Variants in ATRN observed in about 807,000 individuals in gnomAD.
ATRN encodes the protein attractin-2.
Under a neutral mutation model 178.7 loss-of-function variants are expected in ATRN, and 54 were observed. The observed-to-expected ratio is 0.30, with a 90% CI of 0.24 to 0.38. The LOEUF (loss-of-function observed/expected upper bound fraction) is 0.38. ATRN is among the 10% of genes least tolerant of loss of function. ATRN has a pLI of 1.00. For missense variants in ATRN, 1,443 were observed against 1,815.1 expected, an observed-to-expected ratio of 0.79 and a Z score of 3.73; for synonymous variants, 636 against 663.0, an observed-to-expected ratio of 0.96 and a Z score of 0.63.
chr20:3,608,819 T>C (rs2086716416), intron 24 of ATRN, among the ~76,000 whole-genome samples: 1 of 152,024 alleles, frequency 6.6e-6, no homozygotes, highest in African/African-American at 2.4e-5. Context: ...ATACAAAAAT[T>C]AGCCATGTGC....
chr20:3,641,053 G>A (rs957803951), intron 27 of ATRN, among the ~76,000 whole-genome samples: 1 of 152,152 alleles, frequency 6.6e-6, no homozygotes, highest in South Asian at 2.1e-4. Context: ...ATACACTTGT[G>A]GTAGTCAAGC....
intron 19 of ATRN, among the ~76,000 whole-genome samples, chr20:3,593,545 C>T (rs538763992): frequency 6.6e-6 from 1 of 152,266 alleles, no homozygotes; most frequent in Admixed American, 6.5e-5. Context: ...GAATTCAAAC[C>T]CAGGCAGATG....
At chr20:3,606,075 G>A (rs564749401) in intron 24 of ATRN, among the ~76,000 whole-genome samples, 1 of 152,172 alleles carries the variant, frequency 6.6e-6, no homozygotes, top group African/African-American at 2.4e-5. Flanking sequence ...TCTAAGATTT[G>A]TTAATCCTCT....
Position 3,471,037 on chromosome 20 carries a change from C to T in ATRN, c.-71C>T, listed in dbSNP as rs2084408703. On this transcript the variant is annotated 5_prime_UTR_variant, in exon 1 of 29. Transcript: ENST00000262919. ...GTCCGCACAGCCCCGCCCCGCACGG[C>T]CAGGCGAAGCGGAGCCGGCCGTGCG... 1 of 1,417,802 alleles carries T rather than the reference C, an allele frequency of 7.1e-7. No homozygotes were observed. The highest frequency in any genetic ancestry group is 9.2e-7 in the Non-Finnish European group (1 of 1,091,332). 87.8% of individuals were successfully genotyped at this position (1,417,802 alleles called of 1,614,324 possible).
At chr20:3,483,490 G>A (rs2084649937) in intron 1 of ATRN, among the ~76,000 whole-genome samples, 1 of 152,106 alleles carries the variant, frequency 6.6e-6, no homozygotes, top group Admixed American at 6.6e-5. Flanking sequence ...GAGACTACAG[G>A]CATGTGCCAC....
At chr20:3,594,776 TC>T (rs2086501018) in intron 20 of ATRN, among the ~76,000 whole-genome samples, 1 of 152,208 alleles carries the variant, frequency 6.6e-6, no homozygotes, top group South Asian at 2.1e-4. Flanking sequence ...TAGCAGCAAT[TC>T]CTTAATGGCT....
At chr20:3,639,325 G>C (rs1782750728) in intron 27 of ATRN, among the ~76,000 whole-genome samples, 1 of 152,102 alleles carries the variant, frequency 6.6e-6, no homozygotes, top group African/African-American at 2.4e-5. Flanking sequence ...CATGATCTCG[G>C]CTCACTGCAA....
At chr20:3,488,822 A>G (rs2146083443) in intron 1 of ATRN, among the ~76,000 whole-genome samples, 1 of 152,316 alleles carries the variant, frequency 6.6e-6, no homozygotes, top group Middle Eastern at 3.4e-3. Flanking sequence ...AGCTTTTATA[A>G]TGTTGAGTCT....
intron 22 of ATRN, among the ~76,000 whole-genome samples, chr20:3,599,192 G>A (rs2086572356): frequency 6.6e-6 from 1 of 152,202 alleles, no homozygotes; most frequent in South Asian, 2.1e-4. Context: ...TTGAGTGGCT[G>A]TATTGACTGG....
chr20:3,635,010 GGTGTGTATGTGC>G (rs2087015242), intron 26 of ATRN, among the ~76,000 whole-genome samples: 1 of 151,942 alleles, frequency 6.6e-6, no homozygotes, highest in African/African-American at 2.4e-5. Flanking sequence ...GAAAATGTGG[GGTGTGTATGTGC>G]GTGTGTATGT....
In ATRN at chr20:3,596,510, A is replaced by G. The variant is rs1051910357; in HGVS notation, c.3469+81A>G. 4 of 1,317,796 alleles carry G rather than the reference A, an allele frequency of 3.0e-6. No homozygotes were observed. The African/African-American group carries it at 5.8e-5, about 19-fold the overall frequency. The allele number at this position is 1,317,796 out of a possible 1,614,324, so 81.6% of individuals were successfully genotyped here. On this transcript the variant is annotated intron_variant, in intron 21 of 28. Coordinates refer to ENST00000262919, the MANE Select transcript of ATRN (RefSeq NM_139321.3). The stretch of plus-strand genomic sequence containing the variant: ...TTGTTTAAACGGGTTTGAGAATAGT[A>G]AGTGCTATAAGACTATAGCAGCCAC...
At chr20:3,644,558 G>A (rs920154429) in intron 28 of ATRN, among the ~76,000 whole-genome samples, 8 of 152,088 alleles carry the variant, frequency 5.3e-5, no homozygotes, top group African/African-American at 1.2e-4. Context: ...CTTTGCTGTC[G>A]GAGTTTCTGG....
chr20:3,505,301 A>G (rs2085027105), intron 1 of ATRN, among the ~76,000 whole-genome samples: 1 of 152,138 alleles, frequency 6.6e-6, no homozygotes, highest in Non-Finnish European at 1.5e-5. Context: ...CTCAGACTTC[A>G]GGACTAGCAC....
chr20:3,625,515 A>G (rs1369046474), intron 25 of ATRN, among the ~76,000 whole-genome samples: 1 of 152,162 alleles, frequency 6.6e-6, no homozygotes, highest in Admixed American at 6.5e-5. Flanking sequence ...TGATTTTTCT[A>G]TGTGCCTACC....
intron 24 of ATRN, among the ~76,000 whole-genome samples, chr20:3,608,211 TATA>T (rs1273550167): frequency 6.6e-6 from 1 of 152,266 alleles, no homozygotes; most frequent in Admixed American, 6.5e-5. Context: ...TTTGGCTTGA[TATA>T]ATCCCATTTG....
chr20:3,541,366 C>T (rs1377421154), intron 3 of ATRN, among the ~76,000 whole-genome samples: 5 of 151,496 alleles, frequency 3.3e-5, no homozygotes, highest in East Asian at 1.9e-4. Context: ...CGTGAGCCAC[C>T]GCGCCCGGCC....
At chr20:3,530,255 A>ATT (rs1056443333) in intron 1 of ATRN, among the ~76,000 whole-genome samples, 2 of 147,398 alleles carry the variant, frequency 1.4e-5, no homozygotes, top group African/African-American at 2.5e-5. Flanking sequence ...AAAATTATAT[A>ATT]TTATATATAT....
chr20:3,630,916 C>CTTTTTTTTTTTTTTTT (rs368394749), intron 25 of ATRN, among the ~76,000 whole-genome samples: 2 of 43,426 alleles, frequency 4.6e-5, no homozygotes, highest in Non-Finnish European at 8.5e-5. Flanking sequence ...ATTTATTTAG[C>CTTTTTTTTTTTTTTTT]TTTTTTTTTT....
At position 3,634,555 on chromosome 20, in the gene ATRN, G is replaced by A. The variant is rs148528456; in HGVS notation, c.3942+166G>A. On this transcript the variant is annotated intron_variant, in intron 26 of 28. Transcript: ENST00000262919. Reference sequence around the variant, plus strand: ...GCAGTCCATGGTTCTGCAGCATATGGTCAGTAGACTTAGATGAGTGCTACA... The same window carrying A: ...GCAGTCCATGGTTCTGCAGCATATGATCAGTAGACTTAGATGAGTGCTACA... 1.1e-3 allele frequency among the ~76,000 whole-genome samples: 165 copies of A among 152,294 alleles called. 2 individuals carry two copies. In the Middle Eastern group the frequency reaches 0.014, roughly 13 times the overall value.
Sources: gnomAD v4.1 joint callset for allele counts (sites outside exome capture counted in the v4.1 genomes callset) on GRCh38, gnomAD v4.1.1 for gene constraint, MANE v1.5 for transcripts, NCBI Gene and HGNC (gene_info 2026-07-23, HGNC 2026-07-21) for gene names.